Variants in NRXN1 observed in about 807,000 individuals in gnomAD.
NRXN1 encodes the protein neurexin 1, also known as neurexin-1.
NRXN1 carries 39 observed loss-of-function variants against 150.9 expected under a neutral mutation model. The ratio of observed to expected loss-of-function variants is 0.26; its 90% CI spans 0.20 to 0.34. The LOEUF is 0.34. NRXN1 is among the 10% of genes least tolerant of loss of function. The pLI is 1.00. For synonymous variants in NRXN1, 924 were observed against 757.0 expected (o/e 1.22, Z -3.62); for missense variants, 1,815 against 1,949.9 (o/e 0.93, Z 1.30).
chr2:50,327,415 C>A (rs894095112), intron 17 of NRXN1, among the ~76,000 whole-genome samples: 2 of 152,060 alleles, frequency 1.3e-5, no homozygotes, highest in Non-Finnish European at 2.9e-5. Context: ...GAGTCACTTC[C>A]TAGAATTACA....
chr2:50,545,584 T>C (rs911342227), intron 9 of NRXN1, among the ~76,000 whole-genome samples: 16 of 152,320 alleles, frequency 1.1e-4, no homozygotes, highest in Admixed American at 2.0e-4. Flanking sequence ...ATAACAGCAA[T>C]GTATAAAACA....
chr2:51,003,136 C>A (rs17574007), intron 2 of NRXN1, among the ~76,000 whole-genome samples: 11,949 of 151,864 alleles, frequency 0.079, 665 homozygotes, highest in Non-Finnish European at 0.12. Context: ...TTCTATGCAG[C>A]CCTCATAAGG....
At chr2:50,373,677 A>AGAAAGAAAGAAAG in intron 17 of NRXN1, among the ~76,000 whole-genome samples, 1 of 106,892 alleles carries the variant, frequency 9.4e-6, no homozygotes, top group African/African-American at 3.9e-5. Flanking sequence ...AAAGAAAGAA[A>AGAAAGAAAGAAAG]GAAAAGAAAG....
intron 8 of NRXN1, among the ~76,000 whole-genome samples, chr2:50,578,821 T>C (rs993934840): frequency 6.6e-6 from 1 of 152,142 alleles, no homozygotes; most frequent in Non-Finnish European, 1.5e-5. Flanking sequence ...GCATGAGATA[T>C]AAATCATTCA....
intron 5 of NRXN1, among the ~76,000 whole-genome samples, chr2:50,775,890 T>C (rs1254054691): frequency 6.6e-6 from 1 of 152,114 alleles, no homozygotes; most frequent in African/African-American, 2.4e-5. Flanking sequence ...ATGAGAAGCA[T>C]TATCTCTAAG....
chr2:50,075,308 C>T (rs1249174163), intron 19 of NRXN1, among the ~76,000 whole-genome samples: 2 of 152,142 alleles, frequency 1.3e-5, no homozygotes, highest in African/African-American at 4.8e-5. Flanking sequence ...AAAAGATAAA[C>T]ATCTTGGCTG....
At chr2:50,401,414 T>A (rs2082383155) in intron 17 of NRXN1, among the ~76,000 whole-genome samples, 1 of 152,118 alleles carries the variant, frequency 6.6e-6, no homozygotes, top group Non-Finnish European at 1.5e-5. Context: ...ACATGTGTCC[T>A]TTGGCAAATG....
At chr2:50,003,397 T>C (rs948854607) in intron 21 of NRXN1, among the ~76,000 whole-genome samples, 3 of 152,178 alleles carry the variant, frequency 2.0e-5, no homozygotes, top group African/African-American at 7.2e-5. Context: ...TCAAAAGCTG[T>C]TTTATTTCTT....
chr2:50,726,504 T>C (rs1697381172), intron 5 of NRXN1, among the ~76,000 whole-genome samples: 1 of 152,322 alleles, frequency 6.6e-6, no homozygotes, highest in South Asian at 2.1e-4. Context: ...GGTCATTTGC[T>C]ATGTGCTAAA....
chr2:50,839,410 AT>A (rs1672555457), intron 5 of NRXN1, among the ~76,000 whole-genome samples: 1 of 152,082 alleles, frequency 6.6e-6, no homozygotes, highest in Non-Finnish European at 1.5e-5. Flanking sequence ...TTAAATAGTC[AT>A]TTTCTCATAA....
At chr2:50,126,295 A>G (rs1189686806) in intron 18 of NRXN1, among the ~76,000 whole-genome samples, 1 of 152,040 alleles carries the variant, frequency 6.6e-6, no homozygotes, top group Non-Finnish European at 1.5e-5. Context: ...TTTTCTGGCT[A>G]TAATTCACCT....
chr2:50,308,356 G>C (rs1431909445), intron 17 of NRXN1, among the ~76,000 whole-genome samples: 1 of 151,944 alleles, frequency 6.6e-6, no homozygotes, highest in Admixed American at 6.6e-5. Flanking sequence ...TAGAGTCAGA[G>C]TGTTACTCTT....
At chr2:50,085,755 T>A (rs116223239) in intron 19 of NRXN1, among the ~76,000 whole-genome samples, 3 of 152,048 alleles carry the variant, frequency 2.0e-5, no homozygotes, top group Non-Finnish European at 2.9e-5. Flanking sequence ...ACCCATAAGA[T>A]AGTCTTGTGT....
chr2:49,999,958 T>C (rs1683632227), intron 21 of NRXN1, among the ~76,000 whole-genome samples: 1 of 152,200 alleles, frequency 6.6e-6, no homozygotes, highest in Admixed American at 6.5e-5. Flanking sequence ...AAGAAGATTT[T>C]TCGGTTTTTA....
At chr2:50,550,972 C>T (rs1188661498) in intron 9 of NRXN1, among the ~76,000 whole-genome samples, 3 of 151,496 alleles carry the variant, frequency 2.0e-5, no homozygotes, top group Non-Finnish European at 4.4e-5. Context: ...TGAGCCACCG[C>T]GCCCAGCCTC....
intron 8 of NRXN1, among the ~76,000 whole-genome samples, chr2:50,590,053 G>T (rs987802484): frequency 1.3e-5 from 2 of 152,182 alleles, no homozygotes; most frequent in African/African-American, 4.8e-5. Flanking sequence ...GACAATAACT[G>T]TGTAAGGTTC....
intron 17 of NRXN1, among the ~76,000 whole-genome samples, chr2:50,392,750 GAA>G (rs1412375429): frequency 1.3e-5 from 2 of 152,052 alleles, no homozygotes; most frequent in Non-Finnish European, 2.9e-5. Flanking sequence ...ACGTAGTAGA[GAA>G]AAGTTTTCAA....
intron 18 of NRXN1, among the ~76,000 whole-genome samples, chr2:50,169,508 T>A (rs1333801476): frequency 1.3e-5 from 2 of 150,912 alleles, no homozygotes; most frequent in Non-Finnish European, 1.5e-5. Context: ...AGGTCAGGAG[T>A]TCGAGACCAG....
intron 18 of NRXN1, among the ~76,000 whole-genome samples, chr2:50,132,455 G>A (rs537118677): frequency 1.3e-5 from 2 of 151,830 alleles, no homozygotes; most frequent in Non-Finnish European, 1.5e-5. Context: ...ACAAGGGCCC[G>A]CCACCACACC....
Sources: gnomAD v4.1 joint callset for allele counts (sites outside exome capture counted in the v4.1 genomes callset) on GRCh38, gnomAD v4.1.1 for gene constraint, MANE v1.5 for transcripts, NCBI Gene and HGNC (gene_info 2026-07-23, HGNC 2026-07-21) for gene names.